Variants in FAM217B observed in about 807,000 individuals in gnomAD.
FAM217B encodes family with sequence similarity 217 member B, also known as protein FAM217B.
For missense variants in FAM217B, 463 were observed against 456.9 expected, an observed-to-expected ratio of 1.01 and a Z score of -0.12; for synonymous variants, 163 against 173.0, an observed-to-expected ratio of 0.94 and a Z score of 0.45.
Position 59,940,397 on chromosome 20 carries a change from CAGGG to C in FAM217B, c.-338_-335del, listed in dbSNP as rs1213764436. The C allele has an allele frequency of 1.3e-5, 2 of 152,556 alleles. No individual in the cohort carries two copies. The highest frequency in any genetic ancestry group is 2.9e-5 in the Non-Finnish European group (2 of 68,126). The allele number at this position is 152,556 out of a possible 1,614,324, so 9.5% of individuals were successfully genotyped here. A position where few individuals can be genotyped will look rare whatever the true frequency, so the allele number is the denominator to read the frequency against. ...GGGCCCCCGCCGGCCTCAGCTCAGC[CAGGG>C]AGCTCAGCGGAGCTGCGCGCCTCCG... is the stretch of plus-strand genomic sequence containing the variant. On this transcript the variant is annotated 5_prime_UTR_variant, in exon 1 of 4. Transcript: ENST00000360816.
chr20:59,938,094 C>T (rs2060873020), upstream of FAM217B: 3 of 152,216 alleles, frequency 2.0e-5, no homozygotes, highest in South Asian at 6.2e-4. Flanking sequence ...TAAAAATAGT[C>T]ACCTTAATCA....
At position 59,947,519 on chromosome 20, in the gene FAM217B, A is replaced by G. The variant is rs2060943909; in HGVS notation, c.*2424A>G. 1 of 166,796 alleles carries G rather than the reference A, an allele frequency of 6.0e-6. No homozygotes were observed. Among genetic ancestry groups the G allele is most frequent in the African/African-American group, 2.4e-5 (1 of 41,440 alleles). 10.3% of individuals were successfully genotyped at this position (166,796 alleles called of 1,614,324 possible). A position where few individuals can be genotyped will look rare whatever the true frequency, so the allele number is the denominator to read the frequency against. The stretch of plus-strand genomic sequence containing the variant: ...AACTCCGTTTCAAAAAAAAAAGAAA[A>G]AGAAAGAAATTGAGAAGTAACGCCT... On this transcript the variant is annotated 3_prime_UTR_variant, in exon 4 of 4. Coordinates refer to ENST00000360816, the MANE Select transcript of FAM217B (RefSeq NM_022106.3).
upstream of FAM217B, chr20:59,937,497 CA>C (rs2060869160): frequency 6.6e-6 from 1 of 152,272 alleles, no homozygotes; most frequent in African/African-American, 2.4e-5. Flanking sequence ...TGATCAGAAC[CA>C]AACTGGTTAA....
Position 59,948,295 on chromosome 20 carries a change from T to C in FAM217B, c.*3200T>C, listed in dbSNP as rs1314273476. 6.0e-6 allele frequency: 1 copy of C among 167,086 alleles called. No individual in the cohort carries two copies. The highest frequency in any genetic ancestry group is 1.5e-5 in the Non-Finnish European group (1 of 68,124). 10.4% of individuals were successfully genotyped at this position (167,086 alleles called of 1,614,324 possible). ...GAAGAGAATATCATTGGTCTTGCCA[T>C]ATACCTCCTAGCTAAAAGGAAAATG... On this transcript the variant is annotated 3_prime_UTR_variant, in exon 4 of 4. Transcript: ENST00000360816.
At chr20:59,937,700 C>A (rs1330576696), upstream of FAM217B, 1 of 151,858 alleles carries the variant, frequency 6.6e-6, no homozygotes. Flanking sequence ...AATTCTAGCA[C>A]CTGTTGTCAG....
chr20:59,937,659 CCTGG>C (rs1016024928), upstream of FAM217B: 5 of 149,086 alleles, frequency 3.4e-5, no homozygotes, highest in African/African-American at 1.0e-4. Context: ...TCTTGTCCTT[CCTGG>C]CTGTTTTTTT....
At chr20:59,937,826 T>A (rs990633359), upstream of FAM217B, 4 of 152,524 alleles carry the variant, frequency 2.6e-5, no homozygotes, top group East Asian at 7.7e-4. Context: ...TTTAAAAACA[T>A]AAAAGAATTT....
In FAM217B at chr20:59,944,298, G is replaced by A; in HGVS notation, c.355G>A (p.Ala119Thr). ...CACACCTCCAGATCTCAATCTTCGA[G>A]CTGAAGAAATTGATCCAGTTTACTT... ...PLTPPDLNLRAEEIDPVYFDL... is the reference protein window; with the variant it reads ...PLTPPDLNLRTEEIDPVYFDL... Residue 119 changes from alanine to threonine, a missense_variant, in exon 4 of 4, where the codon GCT becomes ACT. Coordinates refer to ENST00000360816, the MANE Select transcript of FAM217B (RefSeq NM_022106.3). The A allele has an allele frequency of 6.2e-7, 1 of 1,614,134 alleles. No individual in the cohort carries two copies. The highest frequency in any genetic ancestry group is 8.5e-7 in the Non-Finnish European group (1 of 1,180,032).
rs2060929877 is a variant in FAM217B at position 59,945,092 on chromosome 20, A to G, written c.1149A>G (p.Lys383=). ...NGVKQNTYKL[K] ...TAAAGCAAAACACATATAAACTAAA[A>G]TAAATATCTAAAATGCTGAATTGCC... Residue 383 remains lysine (K), a synonymous_variant, in exon 4 of 4, where the codon AAA becomes AAG. Coordinates refer to ENST00000360816, the MANE Select transcript of FAM217B (RefSeq NM_022106.3). 1 of 1,572,448 alleles carries G rather than the reference A, an allele frequency of 6.4e-7. No homozygotes were observed. Among genetic ancestry groups the G allele is most frequent in the African/African-American group, 1.4e-5 (1 of 72,700 alleles).
At position 59,945,684 on chromosome 20, in the gene FAM217B, C is replaced by T. The variant is rs556691326; in HGVS notation, c.*589C>T. 1.4e-4 allele frequency: 23 copies of T among 166,582 alleles called. No homozygotes were observed. The highest frequency in any genetic ancestry group is 5.1e-4 in the African/African-American group (21 of 41,378). The allele number at this position is 166,582 out of a possible 1,614,324, so 10.3% of individuals were successfully genotyped here. On this transcript the variant is annotated 3_prime_UTR_variant, in exon 4 of 4. Transcript: ENST00000360816. ...CATTTCTCACTAAGCTGGTTGCTTTCTAGAGAGACAGTGGAATCTAGTACT... is the reference window on the plus strand; with the variant it reads ...CATTTCTCACTAAGCTGGTTGCTTTTTAGAGAGACAGTGGAATCTAGTACT...
At position 59,944,489 on chromosome 20, in the gene FAM217B, C is replaced by CGATA. The variant is rs1569008688; in HGVS notation, c.549_552dup (p.Leu185Ter). On this transcript the variant is annotated frameshift_variant, in exon 4 of 4. Transcript: ENST00000360816. LOFTEE classifies it low-confidence loss of function (END_TRUNC). The stretch of plus-strand genomic sequence containing the variant: ...TGGGAGGACTTCTTGGGAAGTATAT[C>CGATA]GATAGACTTATTCAGCTTGAGTGGC... 1 of 1,613,716 alleles carries CGATA rather than the reference C, an allele frequency of 6.2e-7. No homozygotes were observed.
Position 59,944,862 on chromosome 20 carries a change from G to C in FAM217B, c.919G>C (p.Asp307His), listed in dbSNP as rs781131593. ...SSKSTKLQRWDLSGSGSSSKV... is the reference protein window; with the variant it reads ...SSKSTKLQRWHLSGSGSSSKV... ...TAAGAGTACGAAGCTGCAGCGCTGG[G>C]ATCTGTCCGGCAGTGGAAGCAGCTC... Residue 307 changes from aspartate to histidine, a missense_variant, in exon 4 of 4, where the codon GAT becomes CAT. By Grantham distance (81) the Asp-to-His change is moderately conservative. Coordinates refer to ENST00000360816, the MANE Select transcript of FAM217B (RefSeq NM_022106.3). The C allele has an allele frequency of 8.7e-6, 14 of 1,614,186 alleles. No individual in the cohort carries two copies. Among genetic ancestry groups the C allele is most frequent in the Non-Finnish European group, 9.3e-6 (11 of 1,180,040 alleles).
chr20:59,939,931 T>C (rs1373740144), upstream of FAM217B: 5 of 1,263,152 alleles, frequency 4.0e-6, no homozygotes, highest in Non-Finnish European at 5.0e-6. Context: ...CCTCTGGACA[T>C]GGCCCCGCCG....
In FAM217B at chr20:59,945,905, T is replaced by G. The variant is rs187585313; in HGVS notation, c.*810T>G. On this transcript the variant is annotated 3_prime_UTR_variant, in exon 4 of 4. Coordinates refer to ENST00000360816, the MANE Select transcript of FAM217B (RefSeq NM_022106.3). ...GAATGAAATATTTGACATTCTGGAA[T>G]TGCTGGCATGTAAAGCTTCTCCAGA... 6.0e-6 allele frequency: 1 copy of G among 167,176 alleles called. No individual in the cohort carries two copies. The highest frequency in any genetic ancestry group is 6.5e-5 in the Admixed American group (1 of 15,304). The allele number at this position is 167,176 out of a possible 1,614,324, so 10.4% of individuals were successfully genotyped here. A position where few individuals can be genotyped will look rare whatever the true frequency, so the allele number is the denominator to read the frequency against.
At chr20:59,940,841 C>T (rs1470972201) in intron 1 of FAM217B, among the ~76,000 whole-genome samples, 1 of 152,140 alleles carries the variant, frequency 6.6e-6, no homozygotes, top group Non-Finnish European at 1.5e-5. Context: ...TTTGCCGCAC[C>T]GAATGGCCAG....
At chr20:59,942,946 A>G (rs1318783521) in intron 3 of FAM217B, among the ~76,000 whole-genome samples, 1 of 152,322 alleles carries the variant, frequency 6.6e-6, no homozygotes, top group African/African-American at 2.4e-5. Flanking sequence ...AATGTCCTGC[A>G]TATTTATTAA....
intron 1 of FAM217B, among the ~76,000 whole-genome samples, chr20:59,941,081 A>G (rs534853232): frequency 3.4e-4 from 52 of 152,318 alleles, no homozygotes; most frequent in Non-Finnish European, 6.8e-4. Context: ...TTTTCTGCCT[A>G]TTTAGAACCC....
intron 1 of FAM217B, among the ~76,000 whole-genome samples, chr20:59,934,171 G>T (rs1053519818): frequency 6.6e-6 from 1 of 152,188 alleles, no homozygotes; most frequent in African/African-American, 2.4e-5. Context: ...GCTCCTGCCG[G>T]CAGGGGGCGC....
chr20:59,943,155 T>A (rs2060914780), intron 3 of FAM217B, among the ~76,000 whole-genome samples: 1 of 152,222 alleles, frequency 6.6e-6, no homozygotes, highest in Non-Finnish European at 1.5e-5. Flanking sequence ...TCAACTCTGA[T>A]GTGAGATTCA....
Sources: allele counts gnomAD v4.1 joint callset (sites outside exome capture counted in the v4.1 genomes callset), GRCh38; gene constraint gnomAD v4.1.1; transcripts MANE v1.5; gene names NCBI Gene and HGNC (gene_info 2026-07-23, HGNC 2026-07-21).